Variants in C2CD3 observed in about 807,000 individuals in gnomAD.
C2CD3 encodes C2 domain containing 3 centriole elongation regulator, also known as C2 domain-containing protein 3.
C2CD3 carries 148 observed loss-of-function variants against 234.0 expected under a neutral mutation model. The observed-to-expected ratio is 0.63, with a 90% CI of 0.55 to 0.72. C2CD3 has a LOEUF of 0.72. Among genes scored for constraint, C2CD3 ranks in the 30% least tolerant of loss-of-function variants. The pLI is 0.00. For missense variants in C2CD3, 2,577 were observed against 2,811.5 expected (o/e 0.92, Z 1.89); for synonymous variants, 1,000 against 1,035.4 (o/e 0.97, Z 0.66).
At chr11:74,124,385 T>C (rs1957330529) in intron 7 of C2CD3, among the ~76,000 whole-genome samples, 1 of 152,218 alleles carries the variant, frequency 6.6e-6, no homozygotes, top group Non-Finnish European at 1.5e-5. Context: ...TTCCTTAGGC[T>C]ACAGCAGGGT....
chr11:74,030,126 A>C lies in C2CD3; in HGVS notation c.6810-1728T>G, dbSNP rs533652807. Among the ~76,000 whole-genome samples, 5 of 152,226 alleles carry C rather than the reference A, an allele frequency of 3.3e-5. No homozygotes were observed. In the South Asian group the frequency reaches 8.3e-4, roughly 25 times the overall value. ...GTTTCCCATTTAGGGAAACAAACAAACAACCCCCTGACCTTGCATTGTCTT... is the reference window on the plus strand; with the variant it reads ...GTTTCCCATTTAGGGAAACAAACAACCAACCCCCTGACCTTGCATTGTCTT... On this transcript the variant is annotated intron_variant, in intron 31 of 32. Coordinates refer to ENST00000334126, the MANE Select transcript of C2CD3 (RefSeq NM_001286577.2).
chr11:74,097,702 T>C (rs1956161877), intron 16 of C2CD3, among the ~76,000 whole-genome samples: 1 of 152,218 alleles, frequency 6.6e-6, no homozygotes. Context: ...TGGCTTACAT[T>C]TGGGATCACT....
At chr11:74,015,576 G>C (rs1951849288) in intron 32 of C2CD3, among the ~76,000 whole-genome samples, 1 of 152,156 alleles carries the variant, frequency 6.6e-6, no homozygotes, top group Non-Finnish European at 1.5e-5. Flanking sequence ...ACTCTGAAGG[G>C]GAAGTAGGGA....
chr11:74,116,908 A>ATGTATATATACACGTG (rs1956967657), intron 9 of C2CD3, among the ~76,000 whole-genome samples: 1 of 119,780 alleles, frequency 8.3e-6, no homozygotes, highest in Non-Finnish European at 1.7e-5. Flanking sequence ...ACACACGTGT[A>ATGTATATATACACGTG]TGTATATATA....
intron 3 of C2CD3, among the ~76,000 whole-genome samples, chr11:74,152,829 C>A (rs973196236): frequency 1.2e-4 from 19 of 152,306 alleles, no homozygotes; most frequent in Non-Finnish European, 2.5e-4. Context: ...GTTCAATACC[C>A]ATGATAAAAT....
At chr11:74,096,698 T>C (rs1590790844) in intron 16 of C2CD3, among the ~76,000 whole-genome samples, 2 of 151,988 alleles carry the variant, frequency 1.3e-5, no homozygotes, top group South Asian at 2.1e-4. Flanking sequence ...ACCTTTACTA[T>C]GGAATTTAAC....
chr11:74,046,045 G>A (rs2135426366), intron 28 of C2CD3, among the ~76,000 whole-genome samples: 1 of 152,292 alleles, frequency 6.6e-6, no homozygotes, highest in East Asian at 1.9e-4. Context: ...GGGTTTTGAA[G>A]TGAAAATGTT....
intron 3 of C2CD3, among the ~76,000 whole-genome samples, chr11:74,143,255 A>T (rs1198408631): frequency 6.6e-6 from 1 of 152,202 alleles, no homozygotes; most frequent in Non-Finnish European, 1.5e-5. Context: ...TATCTACAAC[A>T]TGTATCAGTA....
chr11:74,033,283 C>T, intron 31 of C2CD3, 68 bp downstream of exon 31: 1 of 1,372,150 alleles, frequency 7.3e-7, no homozygotes, highest in South Asian at 1.4e-5. Flanking sequence ...TGGCCACTTG[C>T]TCACACTCAC....
In C2CD3 at chr11:74,042,167, G is replaced by T; in HGVS notation, c.5547C>A (p.Asn1849Lys). 6.2e-7 allele frequency: 1 copy of T among 1,608,114 alleles called. No individual in the cohort carries two copies. The highest frequency in any genetic ancestry group is 8.5e-7 in the Non-Finnish European group (1 of 1,178,526). Residue 1849 changes from asparagine (N) to lysine (K), a missense_variant, in exon 29 of 33, where the codon AAC (asparagine) becomes AAA (lysine). Physicochemically the swap from Asn to Lys is moderately conservative, Grantham distance 94. Coordinates refer to ENST00000334126, the MANE Select transcript of C2CD3 (RefSeq NM_001286577.2). The part of the protein sequence containing the change: ...QASRHEEHVQ[N>K]IRRFHESLHL... The stretch of plus-strand genomic sequence containing the variant: ...GCAGGGATTCATGAAACCGGCGAAT[G>T]TTCTGCACATGCTCTTCATGGCGTG...
At chr11:74,080,014 G>A (rs1319535525) in intron 22 of C2CD3, among the ~76,000 whole-genome samples, 2 of 152,182 alleles carry the variant, frequency 1.3e-5, no homozygotes, top group Non-Finnish European at 2.9e-5. Context: ...AATGGGCACA[G>A]TGTGTTTTAA....
intron 24 of C2CD3, among the ~76,000 whole-genome samples, chr11:74,066,525 G>A (rs1418741354): frequency 6.6e-6 from 1 of 151,994 alleles, no homozygotes; most frequent in East Asian, 1.9e-4. Context: ...GCCTCTCTAG[G>A]TGCAATCACT....
intron 6 of C2CD3, 103 bp from the exon 7 acceptor site, chr11:74,133,075 A>T (rs1957732863): frequency 1.8e-6 from 2 of 1,128,816 alleles, no homozygotes; most frequent in Non-Finnish European, 2.6e-6. Context: ...AGAAAATTTA[A>T]CATACTTTAG....
At chr11:74,060,906 A>G (rs1428727399) in intron 24 of C2CD3, among the ~76,000 whole-genome samples, 1 of 152,218 alleles carries the variant, frequency 6.6e-6, no homozygotes, top group African/African-American at 2.4e-5. Context: ...ACTAACTAGA[A>G]TAAACAGTGT....
chr11:74,168,730 A>T, intron 1 of C2CD3, 117 bp from the exon 2 acceptor site: 1 of 892,154 alleles, frequency 1.1e-6, no homozygotes, highest in Non-Finnish European at 1.7e-6. Flanking sequence ...GCAATTTATC[A>T]CCACTTAGAA....
At chr11:74,134,411 C>A (rs575464594) in intron 5 of C2CD3, among the ~76,000 whole-genome samples, 1 of 152,294 alleles carries the variant, frequency 6.6e-6, no homozygotes, top group Admixed American at 6.5e-5. Flanking sequence ...GGCAGGAGGA[C>A]TGCTTAAGTC....
Position 74,132,914 on chromosome 11 carries a change from AAG to A in C2CD3, c.1145_1146del (p.Pro382LeufsTer3), listed in dbSNP as rs757401854. The stretch of plus-strand genomic sequence containing the variant: ...TGTCTCCAAAATGTATTCTCAGTTG[AAG>A]GGAGGAGGTGATCTTCAATGTGGTC... ...FKDHIEDHLLPSTENTFWRHD... is the reference protein window; with the variant it reads ...FKDHIEDHLLXSTENTFWRHD... On this transcript the variant is annotated frameshift_variant, in exon 7 of 33. Transcript: ENST00000334126. LOFTEE classifies it high-confidence loss of function. 1 of 1,613,622 alleles carries A rather than the reference AAG, an allele frequency of 6.2e-7. No homozygotes were observed.
In C2CD3 at chr11:74,170,854, C is replaced by T. The variant is rs1396060533; in HGVS notation, c.-62G>A. 11 of 1,609,668 alleles carry T rather than the reference C, an allele frequency of 6.8e-6. No homozygotes were observed. The highest frequency in any genetic ancestry group is 3.4e-4 in the Middle Eastern group (2 of 5,892). On this transcript the variant is annotated 5_prime_UTR_variant, in exon 1 of 33. Transcript: ENST00000334126. ...TCTCCAGCACCTAAGCAGTATCCTC[C>T]CGCCATCCCTCCCCACGGCGCCTGC...
In C2CD3 at chr11:74,168,546, T is replaced by C; in HGVS notation, c.123A>G (p.Leu41=). 2 of 1,614,214 alleles carry C rather than the reference T, an allele frequency of 1.2e-6. No individual in the cohort carries two copies. Among genetic ancestry groups the C allele is most frequent in the Non-Finnish European group, 1.7e-6 (2 of 1,180,004 alleles). ...ATATGACTCTATTAACAGTAAGTTT[T>C]AGAAAACAGCGTAGCTGGCCTTCAA... The part of the protein sequence containing the change: ...PLVEGQLRCF[L]KLTVNRVIWK... Residue 41 remains leucine, a synonymous_variant, in exon 2 of 33, where the codon CTA becomes CTG. Transcript: ENST00000334126.
Sources: allele counts gnomAD v4.1 joint callset (sites outside exome capture counted in the v4.1 genomes callset), GRCh38; gene constraint gnomAD v4.1.1; transcripts MANE v1.5; gene names NCBI Gene and HGNC (gene_info 2026-07-23, HGNC 2026-07-21).